Variants in CAMSAP2 observed in about 807,000 individuals in gnomAD.
CAMSAP2 encodes the protein calmodulin-regulated spectrin-associated protein 2.
In CAMSAP2, 26 loss-of-function variants were observed where a neutral mutation model predicts 146.1. The observed-to-expected ratio is 0.18, with a 90% confidence interval of 0.13 to 0.25. CAMSAP2 has a LOEUF of 0.25. Among genes scored for constraint, CAMSAP2 ranks in the 10% least tolerant of loss-of-function variants. CAMSAP2 has a pLI of 1.00. For missense variants in CAMSAP2, 1,381 were observed against 1,759.3 expected (o/e 0.78, Z 3.85); for synonymous variants, 499 against 596.6 (o/e 0.84, Z 2.38).
chr1:200,821,310 C>T (rs116184942), intron 4 of CAMSAP2, among the ~76,000 whole-genome samples: 3,904 of 151,828 alleles, frequency 0.026, 178 homozygotes, highest in African/African-American at 0.087. Flanking sequence ...AGCCTCCCAA[C>T]TACTTGGGAC....
At chr1:200,768,810 C>T (rs763717670) in intron 2 of CAMSAP2, among the ~76,000 whole-genome samples, 36 of 151,938 alleles carry the variant, frequency 2.4e-4, no homozygotes, top group Non-Finnish European at 4.4e-4. Context: ...TGTGCCACCA[C>T]GCCTGGCTAA....
chr1:200,753,885 A>T (rs1367601532), intron 1 of CAMSAP2, among the ~76,000 whole-genome samples: 5 of 152,172 alleles, frequency 3.3e-5, no homozygotes, highest in Non-Finnish European at 5.9e-5. Context: ...CCATCCCTGC[A>T]TTCCACAGAA....
In CAMSAP2 at chr1:200,766,862, C is replaced by T. The variant is rs192869958; in HGVS notation, c.399+5764C>T. On this transcript the variant is annotated intron_variant, in intron 2 of 16. Coordinates refer to ENST00000358823, the MANE Select transcript of CAMSAP2 (RefSeq NM_203459.4). ...CTTGGTAATTTGCCTAGGTTTCTTT[C>T]CAAAGTAATTTCCCCTCTCTGTTCC... Among the ~76,000 whole-genome samples the T allele has an allele frequency of 8.1e-4, 123 of 152,232 alleles. 4 individuals carry two copies. The highest frequency in any genetic ancestry group is 1.2e-4 in the Non-Finnish European group (8 of 67,994).
chr1:200,804,000 C>G (rs1558184319), intron 2 of CAMSAP2, among the ~76,000 whole-genome samples: 1 of 151,816 alleles, frequency 6.6e-6, no homozygotes, highest in Non-Finnish European at 1.5e-5. Context: ...GACCTCGGCT[C>G]ACTGCAACCT....
At chr1:200,775,386 T>A (rs374075585) in intron 2 of CAMSAP2, among the ~76,000 whole-genome samples, 138 of 152,172 alleles carry the variant, frequency 9.1e-4, no homozygotes, top group Non-Finnish European at 1.5e-3. Flanking sequence ...CAGATTTTAT[T>A]GTGAATGTGC....
At chr1:200,804,311 T>C (rs1192593099) in intron 2 of CAMSAP2, among the ~76,000 whole-genome samples, 1 of 152,180 alleles carries the variant, frequency 6.6e-6, no homozygotes, top group Non-Finnish European at 1.5e-5. Context: ...TATAGTGTGG[T>C]ATTCTGTTTT....
intron 4 of CAMSAP2, among the ~76,000 whole-genome samples, chr1:200,819,193 G>A (rs1323502010): frequency 1.3e-5 from 2 of 152,124 alleles, no homozygotes; most frequent in Non-Finnish European, 2.9e-5. Flanking sequence ...TGGATTGGGT[G>A]GTGTCCTAAG....
intron 4 of CAMSAP2, among the ~76,000 whole-genome samples, chr1:200,819,077 G>A (rs974722178): frequency 1.3e-5 from 2 of 152,124 alleles, no homozygotes; most frequent in African/African-American, 4.8e-5. Context: ...ATATGCACAT[G>A]TTGAAGGATA....
At chr1:200,824,271 A>C (rs1254200004) in intron 4 of CAMSAP2, among the ~76,000 whole-genome samples, 1 of 146,396 alleles carries the variant, frequency 6.8e-6, no homozygotes, top group Non-Finnish European at 1.5e-5. Context: ...TTTAATTTCT[A>C]GCTCAACAAG....
At chr1:200,759,897 C>T (rs1558164266) in intron 1 of CAMSAP2, among the ~76,000 whole-genome samples, 2 of 152,154 alleles carry the variant, frequency 1.3e-5, no homozygotes, top group African/African-American at 2.4e-5. Flanking sequence ...GTAGAATAGG[C>T]AAGAAAACTT....
intron 4 of CAMSAP2, among the ~76,000 whole-genome samples, chr1:200,818,825 T>TC (rs569898961): frequency 2.8e-3 from 427 of 152,278 alleles, no homozygotes; most frequent in African/African-American, 9.5e-3. Context: ...ACTTGCTCTT[T>TC]TTATTGCTAT....
intron 6 of CAMSAP2, among the ~76,000 whole-genome samples, chr1:200,839,752 A>G (rs142129136): frequency 0.019 from 2,930 of 152,268 alleles, 67 homozygotes; most frequent in South Asian, 0.047. Context: ...GGTACAGTGT[A>G]CACTGCTTGG....
chr1:200,799,833 C>T (rs1013182061), intron 2 of CAMSAP2, among the ~76,000 whole-genome samples: 3 of 152,128 alleles, frequency 2.0e-5, no homozygotes, highest in Non-Finnish European at 4.4e-5. Flanking sequence ...TCACTCTAAA[C>T]ACTGCTTTAG....
At chr1:200,771,613 G>C (rs780456115) in intron 2 of CAMSAP2, among the ~76,000 whole-genome samples, 12 of 152,124 alleles carry the variant, frequency 7.9e-5, no homozygotes, top group Admixed American at 2.6e-4. Context: ...TATTTTTCCA[G>C]AGACCATGTC....
At chr1:200,759,178 T>A (rs1425645212) in intron 1 of CAMSAP2, among the ~76,000 whole-genome samples, 2 of 152,168 alleles carry the variant, frequency 1.3e-5, no homozygotes, top group African/African-American at 2.4e-5. Flanking sequence ...CAATTTGGTG[T>A]CTCTTCACAT....
intron 4 of CAMSAP2, among the ~76,000 whole-genome samples, chr1:200,823,921 T>C (rs1342324850): frequency 6.6e-6 from 1 of 152,234 alleles, no homozygotes; most frequent in Non-Finnish European, 1.5e-5. Flanking sequence ...GACTCATGTA[T>C]ACTTAATATT....
intron 2 of CAMSAP2, among the ~76,000 whole-genome samples, chr1:200,787,933 T>A (rs1571754675): frequency 6.6e-6 from 1 of 152,340 alleles, no homozygotes; most frequent in Middle Eastern, 3.4e-3. Context: ...ACAATATTTT[T>A]AAATTAAGTT....
chr1:200,842,476 G>GTA (rs1229550798), intron 7 of CAMSAP2, among the ~76,000 whole-genome samples: 2 of 152,082 alleles, frequency 1.3e-5, no homozygotes, highest in Non-Finnish European at 2.9e-5. Context: ...AAAAAGGTTT[G>GTA]TATGGATTTT....
At chr1:200,839,763 G>A (rs1248917003) in intron 6 of CAMSAP2, among the ~76,000 whole-genome samples, 5 of 152,142 alleles carry the variant, frequency 3.3e-5, no homozygotes, top group South Asian at 2.1e-4. Context: ...CACTGCTTGG[G>A]TGATGGGTGC....
Sources: allele counts gnomAD v4.1 joint callset (sites outside exome capture counted in the v4.1 genomes callset), GRCh38; gene constraint gnomAD v4.1.1; transcripts MANE v1.5; gene names NCBI Gene and HGNC (gene_info 2026-07-23, HGNC 2026-07-21).